The following ALDH1L1 variants were observed in gnomAD, a reference collection of about 807,000 sequenced individuals.
ALDH1L1 encodes the protein aldehyde dehydrogenase 1 family member L1, also known as cytosolic 10-formyltetrahydrofolate dehydrogenase.
Under a neutral mutation model 101.1 loss-of-function variants are expected in ALDH1L1, and 68 were observed. The ratio of observed to expected loss-of-function variants is 0.67; its 90% CI spans 0.55 to 0.82. The LOEUF (loss-of-function observed/expected upper bound fraction) is 0.82, where lower values mean the gene tolerates loss of function less well. Among genes scored for constraint, ALDH1L1 ranks in the 40% least tolerant of loss-of-function variants. The pLI, the probability that ALDH1L1 is intolerant of heterozygous loss-of-function variation, is 0.00. For synonymous variants in ALDH1L1, 486 were observed against 470.8 expected, an observed-to-expected ratio of 1.03 and a Z score of -0.42; for missense variants, 1,087 against 1,172.7, an observed-to-expected ratio of 0.93 and a Z score of 1.07.
At chr3:126,124,245 C>T in intron 16 of ALDH1L1, 119 bp downstream of exon 16, 2 of 888,018 alleles carry the variant, frequency 2.3e-6, no homozygotes, top group Non-Finnish European at 3.4e-6. Context: ...AGGCTGGCCC[C>T]CGCCTGGGCT....
intron 10 of ALDH1L1, 68 bp from the exon 11 acceptor site, chr3:126,136,951 C>T (rs1010556737): frequency 6.3e-7 from 1 of 1,590,470 alleles, no homozygotes; most frequent in Admixed American, 1.7e-5. Context: ...CAGATGGCCA[C>T]ACAGTCACAC....
intron 20 of ALDH1L1, among the ~76,000 whole-genome samples, chr3:126,107,663 C>T (rs985064834): frequency 2.6e-5 from 4 of 152,152 alleles, no homozygotes; most frequent in Non-Finnish European, 4.4e-5. Context: ...GGCTACAACC[C>T]GTGGAGTAGG....
In ALDH1L1 at chr3:126,174,039, C is replaced by T. The variant is rs545780925; in HGVS notation, c.-24+6437G>A. On this transcript the variant is annotated intron_variant, in intron 1 of 22. Transcript: ENST00000393434. ...ATCAACACCTCTCTGTCAGTCCCCA[C>T]TAACGTTTTTTTTGGGGGGGCGGAG... Among the ~76,000 whole-genome samples the T allele has an allele frequency of 3.3e-5, 5 of 152,314 alleles. No individual in the cohort carries two copies. The East Asian group carries it at 9.7e-4, about 29-fold the overall frequency.
At chr3:126,110,994 C>A (rs3772425) in intron 19 of ALDH1L1, among the ~76,000 whole-genome samples, 2 of 152,180 alleles carry the variant, frequency 1.3e-5, no homozygotes, top group African/African-American at 4.8e-5. Context: ...TCCCTTAAGA[C>A]CCCCAGACAG....
intron 20 of ALDH1L1, among the ~76,000 whole-genome samples, chr3:126,108,931 C>A (rs1463642496): frequency 1.3e-5 from 2 of 152,268 alleles, no homozygotes; most frequent in African/African-American, 2.4e-5. Flanking sequence ...GGTCACCAGA[C>A]CCTGGCAGCT....
Position 126,103,703 on chromosome 3 carries a change from T to C in ALDH1L1, c.*88A>G. On this transcript the variant is annotated 3_prime_UTR_variant, in exon 23 of 23. Transcript: ENST00000393434. ...GGAGGGCTTCCACTAGCCCCCCAGG[T>C]GGGAGGTGCTGTGCACCCAGGCTCA... 7.1e-7 allele frequency: 1 copy of C among 1,406,666 alleles called. No homozygotes were observed. The highest frequency in any genetic ancestry group is 9.9e-7 in the Non-Finnish European group (1 of 1,011,160). 87.1% of individuals were successfully genotyped at this position (1,406,666 alleles called of 1,614,324 possible).
At chr3:126,112,936 C>T (rs573475751) in intron 18 of ALDH1L1, 56 bp from the exon 19 acceptor site, 745 of 1,542,966 alleles carry the variant, frequency 4.8e-4, no homozygotes, top group Non-Finnish European at 6.3e-4. Flanking sequence ...CACCAGCCCC[C>T]GGCTCTGCCA....
intron 16 of ALDH1L1, among the ~76,000 whole-genome samples, chr3:126,118,953 G>A (rs1410019736): frequency 6.6e-6 from 1 of 152,120 alleles, no homozygotes. Flanking sequence ...ATCTCAACGA[G>A]ACTTCAGAGT....
intron 1 of ALDH1L1, among the ~76,000 whole-genome samples, chr3:126,163,944 G>A (rs1344852645): frequency 1.3e-5 from 2 of 152,038 alleles, no homozygotes; most frequent in African/African-American, 4.8e-5. Context: ...GACCATCCTG[G>A]GCAACATAGT....
At chr3:126,137,041 G>A (rs1248795822) in intron 10 of ALDH1L1, among the ~76,000 whole-genome samples, 158 bp from the exon 11 acceptor site, 3 of 152,216 alleles carry the variant, frequency 2.0e-5, no homozygotes, top group Non-Finnish European at 4.4e-5. Context: ...CAAAGGACAG[G>A]CTCTGAGGCC....
At chr3:126,126,302 C>T (rs867501754) in intron 14 of ALDH1L1, among the ~76,000 whole-genome samples, 2 of 152,140 alleles carry the variant, frequency 1.3e-5, no homozygotes, top group South Asian at 2.1e-4. Flanking sequence ...CTGGGGAGGC[C>T]GCAGAGTCCC....
intron 22 of ALDH1L1, chr3:126,104,208 G>A (rs923621848): frequency 1.3e-4 from 39 of 295,092 alleles, no homozygotes; most frequent in Non-Finnish European, 2.0e-4. Flanking sequence ...CCCCAGCTAC[G>A]TCTGCATCAA....
At position 126,112,858 on chromosome 3, in the gene ALDH1L1, T is replaced by G; in HGVS notation, c.2105A>C (p.Asn702Thr). 1 of 1,613,540 alleles carries G rather than the reference T, an allele frequency of 6.2e-7. No individual in the cohort carries two copies. Among genetic ancestry groups the G allele is most frequent in the Non-Finnish European group, 8.5e-7 (1 of 1,180,024 alleles). The change falls in exon 19 of 23, where the codon AAC (asparagine) becomes ACC (threonine). Residue 702 changes from asparagine (N) to threonine (T), a missense_variant. By Grantham distance (65) the Asn-to-Thr change is moderately conservative (BLOSUM62 0). This residue lies in a region of ALDH1L1 where 442 missense variants were observed against 535.7 expected (regional missense o/e 0.83). Coordinates refer to ENST00000393434, the MANE Select transcript of ALDH1L1 (RefSeq NM_012190.4). ...VQMGMSSVFF[N>T]KGENCIAAGR... Reference sequence around the variant, plus strand: ...TGCTGCAATGCAATTCTCTCCTTTGTTGAAGAAAACAGAACTCATCCCCTT... The same window carrying G: ...TGCTGCAATGCAATTCTCTCCTTTGGTGAAGAAAACAGAACTCATCCCCTT...
chr3:126,173,123 G>A (rs2081312202), intron 1 of ALDH1L1, among the ~76,000 whole-genome samples: 1 of 152,026 alleles, frequency 6.6e-6, no homozygotes, highest in African/African-American at 2.4e-5. Flanking sequence ...CAGAAAAAAA[G>A]GAAAATTAAA....
At chr3:126,184,536 C>T (rs749381726), upstream of ALDH1L1, among the ~76,000 whole-genome samples, 1 of 152,202 alleles carries the variant, frequency 6.6e-6, no homozygotes, top group African/African-American at 2.4e-5. Context: ...GCTGGATAAG[C>T]CCTGCAGAGA....
upstream of ALDH1L1, chr3:126,181,083 G>A: frequency 2.2e-6 from 3 of 1,335,476 alleles, no homozygotes; most frequent in Non-Finnish European, 2.1e-6. Context: ...GCTTCTGCCC[G>A]CCCAGTGCCT....
In ALDH1L1 at chr3:126,153,283, C is replaced by T. The variant is rs1281459762; in HGVS notation, c.858+161G>A. 2.7e-6 allele frequency: 3 copies of T among 1,108,156 alleles called. No homozygotes were observed. The South Asian group carries it at 4.0e-5, about 15-fold the overall frequency. 68.6% of individuals were successfully genotyped at this position (1,108,156 alleles called of 1,614,324 possible). A position where few individuals can be genotyped will look rare whatever the true frequency, so the allele number is the denominator to read the frequency against. On this transcript the variant is annotated intron_variant, in intron 7 of 22. Coordinates refer to ENST00000393434, the MANE Select transcript of ALDH1L1 (RefSeq NM_012190.4). Reference sequence around the variant, plus strand: ...GCCTCGGACACCCTGTGCTCAGGACCAGCCGGGTGGTCAGGGACAAATCAG... The same window carrying T: ...GCCTCGGACACCCTGTGCTCAGGACTAGCCGGGTGGTCAGGGACAAATCAG...
At chr3:126,108,356 C>G (rs768215558) in intron 20 of ALDH1L1, among the ~76,000 whole-genome samples, 1 of 152,234 alleles carries the variant, frequency 6.6e-6, no homozygotes, top group Non-Finnish European at 1.5e-5. Context: ...TCTCATACCC[C>G]CTCCAGGGCG....
At chr3:126,148,277 T>C (rs2080737373) in intron 8 of ALDH1L1, among the ~76,000 whole-genome samples, 1 of 151,986 alleles carries the variant, frequency 6.6e-6, no homozygotes, top group Non-Finnish European at 1.5e-5. Flanking sequence ...AGGCAGAGAG[T>C]CTGGACTACA....
Sources: allele counts gnomAD v4.1 joint callset (sites outside exome capture counted in the v4.1 genomes callset), GRCh38; gene constraint gnomAD v4.1.1; regional missense constraint gnomAD v4.1.1; transcripts MANE v1.5; gene names NCBI Gene and HGNC (gene_info 2026-07-23, HGNC 2026-07-21).